Variants in LRRC7 observed in about 807,000 individuals in gnomAD.
The protein encoded by LRRC7 is leucine rich repeat containing 7, also known as leucine-rich repeat-containing protein 7.
A neutral mutation model predicts 175.7 loss-of-function variants in LRRC7; 23 were observed. That is an observed-to-expected ratio of 0.13 (90% CI 0.09 to 0.19). LRRC7 has a LOEUF of 0.19. Among genes scored for constraint, LRRC7 ranks in the 10% least tolerant of loss-of-function variants. The probability of loss-of-function intolerance (pLI) is 1.00; values close to 1 mark genes in which losing one functional copy is unlikely to be tolerated. For missense variants in LRRC7, 1,354 were observed against 1,904.7 expected, an observed-to-expected ratio of 0.71 and a Z score of 5.38; for synonymous variants, 685 against 680.9, an observed-to-expected ratio of 1.01 and a Z score of -0.09.
chr1:69,783,582 C>T (rs1273016401), intron 3 of LRRC7, among the ~76,000 whole-genome samples: 1 of 151,810 alleles, frequency 6.6e-6, no homozygotes, highest in African/African-American at 2.4e-5. Flanking sequence ...GGAACCCTGT[C>T]TCTACTAAAA....
chr1:69,770,844 A>C (rs924878095), intron 3 of LRRC7, among the ~76,000 whole-genome samples: 1 of 152,168 alleles, frequency 6.6e-6, no homozygotes, highest in African/African-American at 2.4e-5. Flanking sequence ...AGGTCTAAAA[A>C]ATGACCTTTT....
intron 21 of LRRC7, 105 bp downstream of exon 21, chr1:70,039,898 G>A: frequency 3.0e-6 from 4 of 1,344,300 alleles, no homozygotes; most frequent in Non-Finnish European, 4.0e-6. Context: ...GAATGAATTA[G>A]ATGATCAGTA....
intron 8 of LRRC7, among the ~76,000 whole-genome samples, chr1:69,945,212 A>G (rs771771205): frequency 6.6e-6 from 1 of 152,124 alleles, no homozygotes; most frequent in Non-Finnish European, 1.5e-5. Flanking sequence ...GTCCAATTTC[A>G]TACTTCAGCA....
intron 23 of LRRC7, among the ~76,000 whole-genome samples, chr1:70,056,207 A>G (rs1303427629): frequency 6.6e-6 from 1 of 152,158 alleles, no homozygotes; most frequent in East Asian, 1.9e-4. Flanking sequence ...TGTATTATTG[A>G]GCCATGAGTG....
chr1:70,002,514 G>T (rs1655628901), intron 11 of LRRC7, among the ~76,000 whole-genome samples: 1 of 152,020 alleles, frequency 6.6e-6, no homozygotes, highest in African/African-American at 2.4e-5. Flanking sequence ...TGCTTATTTT[G>T]CCATGTCTTC....
intron 7 of LRRC7, among the ~76,000 whole-genome samples, chr1:69,918,827 TTAAA>T (rs1217437517): frequency 6.6e-6 from 1 of 152,132 alleles, no homozygotes; most frequent in African/African-American, 2.4e-5. Flanking sequence ...AAATGGTATT[TTAAA>T]TAAATAAGCT....
chr1:69,656,980 A>G (rs1656688995), intron 1 of LRRC7, among the ~76,000 whole-genome samples: 1 of 151,944 alleles, frequency 6.6e-6, no homozygotes, highest in Non-Finnish European at 1.5e-5. Flanking sequence ...AAAAAAGGAA[A>G]GGAGAGGAAA....
Position 69,619,064 on chromosome 1 carries a change from C to G in LRRC7, c.2+50423C>G, listed in dbSNP as rs554909599. ...GCTTATTTCTGAATCATGTCTCAGT[C>G]CAGTGTAGATCTGTGTTTGGTGGAA... On this transcript the variant is annotated intron_variant, in intron 1 of 26. Coordinates refer to ENST00000651989, the MANE Select transcript of LRRC7 (RefSeq NM_001370785.2). 2.6e-5 allele frequency among the ~76,000 whole-genome samples: 4 copies of G among 152,058 alleles called. No homozygotes were observed. The East Asian group carries it at 7.7e-4, about 29-fold the overall frequency.
intron 2 of LRRC7, among the ~76,000 whole-genome samples, chr1:69,753,409 C>T (rs1189598371): frequency 6.6e-6 from 1 of 151,530 alleles, no homozygotes; most frequent in Non-Finnish European, 1.5e-5. Context: ...GCAGAGTCGG[C>T]TAACAGGAAA....
intron 1 of LRRC7, among the ~76,000 whole-genome samples, chr1:69,617,547 TA>T (rs11473590): frequency 0.014 from 869 of 61,948 alleles, 17 homozygotes; most frequent in African/African-American, 0.038. Flanking sequence ...ATACTCACAG[TA>T]AAAAAAAAAA....
intron 8 of LRRC7, among the ~76,000 whole-genome samples, chr1:69,946,820 G>A (rs979097878): frequency 6.6e-6 from 1 of 151,982 alleles, no homozygotes; most frequent in Non-Finnish European, 1.5e-5. Context: ...GCTCATGCCT[G>A]TAATCTCAGC....
chr1:70,117,516 G>A (rs750884601), intron 26 of LRRC7, among the ~76,000 whole-genome samples: 1 of 152,034 alleles, frequency 6.6e-6, no homozygotes, highest in Non-Finnish European at 1.5e-5. Context: ...GTCTTTTCAT[G>A]TCTAAATCAT....
intron 1 of LRRC7, among the ~76,000 whole-genome samples, chr1:69,663,816 G>T (rs1293410401): frequency 2.8e-5 from 4 of 143,348 alleles, no homozygotes; most frequent in African/African-American, 5.2e-5. Flanking sequence ...CCGCTTCCCG[G>T]GTTCACGCCA....
chr1:70,089,643 A>C lies in LRRC7; in HGVS notation c.4453-84A>C, dbSNP rs1663874894. 6 of 913,800 alleles carry C rather than the reference A, an allele frequency of 6.6e-6. No individual in the cohort carries two copies. In the South Asian group the frequency reaches 7.9e-5, roughly 12 times the overall value. 56.6% of individuals were successfully genotyped at this position (913,800 alleles called of 1,614,324 possible). ...ACCCTAAGAAACCAAGTGAAATGTG[A>C]ATCTTTTCTACTGAAATACAGTTAT... On this transcript the variant is annotated intron_variant, in intron 24 of 26. Coordinates refer to ENST00000651989, the MANE Select transcript of LRRC7 (RefSeq NM_001370785.2).
intron 25 of LRRC7, among the ~76,000 whole-genome samples, chr1:70,091,419 A>G (rs1251132677): frequency 6.6e-6 from 1 of 152,124 alleles, no homozygotes; most frequent in East Asian, 1.9e-4. Flanking sequence ...ATGAAAAGTC[A>G]CTAACCTTAT....
intron 2 of LRRC7, among the ~76,000 whole-genome samples, chr1:69,722,605 G>T (rs973012232): frequency 1.2e-4 from 19 of 152,034 alleles, no homozygotes; most frequent in African/African-American, 4.1e-4. Context: ...AATATCGTTT[G>T]CCCACATTGC....
chr1:69,842,772 A>G (rs1681875882), intron 7 of LRRC7, among the ~76,000 whole-genome samples: 1 of 152,198 alleles, frequency 6.6e-6, no homozygotes, highest in African/African-American at 2.4e-5. Context: ...TATGGAATAT[A>G]GAAAAGTATT....
At chr1:69,690,241 T>C (rs139306289) in intron 2 of LRRC7, among the ~76,000 whole-genome samples, 70 of 152,298 alleles carry the variant, frequency 4.6e-4, no homozygotes, top group Non-Finnish European at 6.6e-4. Context: ...GTCGTTTGTG[T>C]AGGACTTGAG....
intron 4 of LRRC7, among the ~76,000 whole-genome samples, chr1:69,807,887 C>T (rs925671945): frequency 6.6e-5 from 10 of 152,056 alleles, no homozygotes; most frequent in Admixed American, 5.9e-4. Flanking sequence ...TATCCTGAAG[C>T]ACGCTTTCCA....
Sources: gnomAD v4.1 joint callset for allele counts (sites outside exome capture counted in the v4.1 genomes callset) on GRCh38, gnomAD v4.1.1 for gene constraint, MANE v1.5 for transcripts, NCBI Gene and HGNC (gene_info 2026-07-23, HGNC 2026-07-21) for gene names.